SPMIP4: variants seen among roughly 807,000 people sequenced by gnomAD.
The protein encoded by SPMIP4 is sperm microtubule inner protein 4, also known as sperm-associated microtubule inner protein 4.
At chr7:25,164,719 A>C in the SPMIP4 span, among the ~76,000 whole-genome samples, 5 of 152,158 alleles carry the variant, frequency 3.3e-5, no homozygotes, top group African/African-American at 1.2e-4. Flanking sequence ...ATTTTGGTGT[A>C]ACCATCACCC....
At chr7:25,159,704 GT>G in the SPMIP4 span, among the ~76,000 whole-genome samples, 1 of 152,164 alleles carries the variant, frequency 6.6e-6, no homozygotes, top group Non-Finnish European at 1.5e-5. Context: ...AACTATAAAA[GT>G]TTATATCTTT....
the SPMIP4 span, among the ~76,000 whole-genome samples, chr7:25,133,205 C>CT: frequency 1.3e-5 from 2 of 152,052 alleles, no homozygotes; most frequent in African/African-American, 4.8e-5. Flanking sequence ...TTTTCAGGAA[C>CT]TTTTTTTCTG....
At chr7:25,130,180 A>C in the SPMIP4 span, among the ~76,000 whole-genome samples, 1 of 151,886 alleles carries the variant, frequency 6.6e-6, no homozygotes, top group African/African-American at 2.4e-5. Flanking sequence ...TGGAGGTTGC[A>C]GTGAGCTGAG....
chr7:25,145,193 A>T, the SPMIP4 span, among the ~76,000 whole-genome samples: 1 of 150,574 alleles, frequency 6.6e-6, no homozygotes, highest in African/African-American at 2.4e-5. Flanking sequence ...CCAACTCCTG[A>T]CCTCAGGTGA....
At chr7:25,177,427 A>C in the SPMIP4 span, among the ~76,000 whole-genome samples, 1 of 152,190 alleles carries the variant, frequency 6.6e-6, no homozygotes, top group South Asian at 2.1e-4. Context: ...AGGTTGCAGT[A>C]AGCCGAGATT....
the SPMIP4 span, among the ~76,000 whole-genome samples, chr7:25,156,661 G>A: frequency 6.6e-6 from 1 of 152,102 alleles, no homozygotes; most frequent in Non-Finnish European, 1.5e-5. Context: ...CCAATCAAAG[G>A]AGTCAGGGTT....
the SPMIP4 span, among the ~76,000 whole-genome samples, chr7:25,168,731 T>G: frequency 3.0e-5 from 3 of 101,670 alleles, no homozygotes; most frequent in Non-Finnish European, 5.8e-5. Flanking sequence ...TTCATTTTCG[T>G]TTTTTTTTTT....
chr7:25,126,691 GTCTT>G, the SPMIP4 span, among the ~76,000 whole-genome samples: 6 of 152,100 alleles, frequency 3.9e-5, no homozygotes, highest in East Asian at 1.9e-4. Context: ...TAATCTCTAA[GTCTT>G]TCTACTCAAG....
chr7:25,135,978 A>G, the SPMIP4 span: 1 of 1,588,946 alleles, frequency 6.3e-7, no homozygotes, highest in Non-Finnish European at 8.6e-7. Context: ...TATCTCAATT[A>G]TAGAAATAAT....
At chr7:25,133,206 T>G in the SPMIP4 span, among the ~76,000 whole-genome samples, 1 of 152,180 alleles carries the variant, frequency 6.6e-6, no homozygotes, top group South Asian at 2.1e-4. Context: ...TTTCAGGAAC[T>G]TTTTTTCTGT....
chr7:25,135,370 T>C, the SPMIP4 span: 2 of 985,404 alleles, frequency 2.0e-6, no homozygotes, highest in East Asian at 2.3e-4. Flanking sequence ...GCAGAGAGTT[T>C]TGGGTTTCAT....
chr7:25,149,016 T>G, the SPMIP4 span, among the ~76,000 whole-genome samples: 1 of 152,208 alleles, frequency 6.6e-6, no homozygotes, highest in Non-Finnish European at 1.5e-5. Flanking sequence ...TTTGTCTTAT[T>G]TGAACACGGT....
chr7:25,169,987 G>A, the SPMIP4 span, among the ~76,000 whole-genome samples: 3 of 152,088 alleles, frequency 2.0e-5, no homozygotes, highest in Non-Finnish European at 4.4e-5. Context: ...TTTAACTCTC[G>A]TGAATAATAC....
the SPMIP4 span, among the ~76,000 whole-genome samples, chr7:25,175,103 C>T: frequency 5.3e-5 from 8 of 152,076 alleles, no homozygotes; most frequent in African/African-American, 1.9e-4. Flanking sequence ...TCCCTTGCAC[C>T]CCCTCAGACC....
chr7:25,158,111 G>A, the SPMIP4 span, among the ~76,000 whole-genome samples: 4 of 152,176 alleles, frequency 2.6e-5, no homozygotes, highest in Non-Finnish European at 5.9e-5. Flanking sequence ...GCTCACGCCT[G>A]TGATCCAGTA....
chr7:25,141,883 G>A, the SPMIP4 span, among the ~76,000 whole-genome samples: 1 of 151,972 alleles, frequency 6.6e-6, no homozygotes, highest in Non-Finnish European at 1.5e-5. Context: ...GAGTAGAGGC[G>A]AGTGCCACCA....
chr7:25,163,895 C>T, the SPMIP4 span, among the ~76,000 whole-genome samples: 58 of 152,172 alleles, frequency 3.8e-4, no homozygotes, highest in Non-Finnish European at 7.3e-4. This position sits in a 1 kb window ranked among gnomAD's most constrained non-coding sequence, Gnocchi z 4.4. Flanking sequence ...ATTGCCATGA[C>T]GTATTAAACA....
the SPMIP4 span, among the ~76,000 whole-genome samples, chr7:25,175,842 G>A: frequency 1.3e-5 from 2 of 152,176 alleles, no homozygotes; most frequent in Non-Finnish European, 2.9e-5. Context: ...CCAGTATCCT[G>A]TTATCACCGT....
chr7:25,154,373 G>A, the SPMIP4 span, among the ~76,000 whole-genome samples: 1 of 152,064 alleles, frequency 6.6e-6, no homozygotes, highest in African/African-American at 2.4e-5. Flanking sequence ...TTTCTCCAGA[G>A]GTGGCCTCTC....
Sources: gnomAD v4.1 joint callset for allele counts (sites outside exome capture counted in the v4.1 genomes callset) on GRCh38, gnomAD v4.1.1 for gene constraint, Gnocchi (gnomAD v3.1) non-coding constraint, MANE v1.5 for transcripts, NCBI Gene and HGNC (gene_info 2026-07-23, HGNC 2026-07-21) for gene names.